Variants in CCDC157 observed in about 807,000 individuals in gnomAD.
The protein encoded by CCDC157 is coiled-coil domain-containing protein 157.
CCDC157 carries 60 observed loss-of-function variants against 70.9 expected under a neutral mutation model. The observed-to-expected ratio is 0.85, with a 90% CI of 0.69 to 1.05. The LOEUF is 1.05. CCDC157 is among the 50% of genes least tolerant of loss of function. CCDC157 has a pLI of 0.00. For missense variants in CCDC157, 943 were observed against 984.2 expected (o/e 0.96, Z 0.56); for synonymous variants, 373 against 422.4 (o/e 0.88, Z 1.43).
chr22:30,366,383 A>G, intron 3 of CCDC157, 135 bp downstream of exon 3: 1 of 1,047,246 alleles, frequency 9.5e-7, no homozygotes, highest in Non-Finnish European at 1.4e-6. Flanking sequence ...TGTCGGGGCC[A>G]CATCAGCTCA....
rs571987930 is a variant in CCDC157, at chr22:30,374,500, G to C, written c.1672+409G>C. ...AGGACACAGCCTCCAGCTGCCCACT[G>C]TCCTGGACCCCATGGCATAGGAGTG... On this transcript the variant is annotated intron_variant, in intron 9 of 11. Transcript: ENST00000338306. 6.4e-6 allele frequency: 3 copies of C among 465,442 alleles called. No homozygotes were observed. In the East Asian group the frequency reaches 2.0e-4, roughly 31 times the overall value. The allele number at this position is 465,442 out of a possible 1,614,324, so 28.8% of individuals were successfully genotyped here.
chr22:30,368,483 C>T (rs896216323), intron 3 of CCDC157, among the ~76,000 whole-genome samples: 4 of 152,254 alleles, frequency 2.6e-5, no homozygotes, highest in Non-Finnish European at 4.4e-5. Flanking sequence ...GACAGCACCA[C>T]AGTCTCCCGC....
rs374812006 is a variant in CCDC157, at chr22:30,372,194, C to A, written c.1243C>A (p.Arg415=). The A allele has an allele frequency of 1.2e-5, 19 of 1,591,082 alleles. No individual in the cohort carries two copies. The highest frequency in any genetic ancestry group is 1.5e-5 in the Non-Finnish European group (18 of 1,171,890). ...LEAQVQLLVG[R]LEGAGQQVCW... Reference sequence around the variant, plus strand: ...GGCGCAGGTGCAGCTGTTGGTGGGTCGGCTGGAGGGCGCTGGCCAGCAGGT... The same window carrying A: ...GGCGCAGGTGCAGCTGTTGGTGGGTAGGCTGGAGGGCGCTGGCCAGCAGGT... The change falls in exon 7 of 12, where the codon CGG becomes AGG. Residue 415 remains arginine (R), a synonymous_variant. Coordinates refer to ENST00000338306, the MANE Select transcript of CCDC157 (RefSeq NM_001017437.5).
chr22:30,358,273 G>C (rs535650383), intron 1 of CCDC157, among the ~76,000 whole-genome samples: 1 of 152,316 alleles, frequency 6.6e-6, no homozygotes, highest in African/African-American at 2.4e-5. Flanking sequence ...TGATAGCTGG[G>C]ATGTATTGGT....
chr22:30,375,538 A>C lies in CCDC157; in HGVS notation c.1732A>C (p.Thr578Pro). Residue 578 changes from threonine (T) to proline (P), a missense_variant, in exon 10 of 12, where the codon ACA becomes CCA. Thr to Pro is a conservative substitution (Grantham distance 38). Transcript: ENST00000338306. Reference sequence around the variant, plus strand: ...ATGTCCCACAGACTCTGGCAACGTCACAGATCACATGGAGAGGCAAGTGCA... The same window carrying C: ...ATGTCCCACAGACTCTGGCAACGTCCCAGATCACATGGAGAGGCAAGTGCA... ...ITCPTDSGNVTDHMERQVQSN... is the reference protein window; with the variant it reads ...ITCPTDSGNVPDHMERQVQSN... The C allele has an allele frequency of 6.2e-7, 1 of 1,614,216 alleles. No homozygotes were observed. The highest frequency in any genetic ancestry group is 8.5e-7 in the Non-Finnish European group (1 of 1,180,044).
chr22:30,372,123 C>CGGAGAGGCAGGGGCGGCAGCT lies in CCDC157; in HGVS notation c.1183_1184insGGCGGCAGCTGGAGAGGCAGG (p.Gln394_Val395insGlyArgGlnLeuGluArgGln), dbSNP rs1932980108. On this transcript the variant is annotated inframe_insertion, in exon 7 of 12. Transcript: ENST00000338306. ...GAGGAAGGTGAGCGCAGGGCGGCAG[C>CGGAGAGGCAGGGGCGGCAGCT]GGAGAGGCAGGTGCAGCAGCTGGAG... The CGGAGAGGCAGGGGCGGCAGCT allele has an allele frequency of 3.2e-6, 5 of 1,559,380 alleles. No homozygotes were observed. In the South Asian group the frequency reaches 5.9e-5, roughly 18 times the overall value.
rs1289676553 is a variant in CCDC157, at chr22:30,373,579, T to C, written c.1336-18T>C. 1 of 1,551,782 alleles carries C rather than the reference T, an allele frequency of 6.4e-7. No individual in the cohort carries two copies. Among genetic ancestry groups the C allele is most frequent in the African/African-American group, 1.4e-5 (1 of 73,116 alleles). On this transcript the variant is annotated intron_variant, in intron 7 of 11. Coordinates refer to ENST00000338306, the MANE Select transcript of CCDC157 (RefSeq NM_001017437.5). ...CCTGTGGGTCTCACAGCCTCCCTGC[T>C]TGTCCGTTCCTGCTTAGTCTCTGCA...
rs1436534190 is a variant in CCDC157, at chr22:30,376,264, C to G, written c.1863C>G (p.Ile621Met). 9 of 1,533,102 alleles carry G rather than the reference C, an allele frequency of 5.9e-6. No homozygotes were observed. Among genetic ancestry groups the G allele is most frequent in the Non-Finnish European group, 8.0e-6 (9 of 1,123,226 alleles). The allele number at this position is 1,533,102 out of a possible 1,614,324, so 95.0% of individuals were successfully genotyped here. A position where few individuals can be genotyped will look rare whatever the true frequency, so the allele number is the denominator to read the frequency against. Residue 621 changes from isoleucine to methionine, a missense_variant, in exon 11 of 12, where the codon ATC (isoleucine) becomes ATG (methionine). By Grantham distance (10) the Ile-to-Met change is conservative (BLOSUM62 1). Coordinates refer to ENST00000338306, the MANE Select transcript of CCDC157 (RefSeq NM_001017437.5). The stretch of plus-strand genomic sequence containing the variant: ...CTTTTTTTTTTTTTTTGTAGCTGAT[C>G]CCGCAGGACCGGCTCTGGTCCCCTT... ...EVAQQGGLKL[I>M]PQDRLWSPSS...
Position 30,371,635 on chromosome 22 carries a change from T to C in CCDC157, c.1046-15T>C. The C allele has an allele frequency of 6.2e-7, 1 of 1,611,730 alleles. No homozygotes were observed. On this transcript the variant is annotated splice_polypyrimidine_tract_variant and intron_variant, in intron 5 of 11. Coordinates refer to ENST00000338306, the MANE Select transcript of CCDC157 (RefSeq NM_001017437.5). ...CATGGGACCCTCTGAAGGGCCTCTC[T>C]CTTGGCTGCCATAGAAACAAGTGAC... is the stretch of plus-strand genomic sequence containing the variant.
intron 9 of CCDC157, 141 bp from the exon 10 acceptor site, chr22:30,375,338 G>A (rs1933273397): frequency 1.4e-6 from 1 of 713,986 alleles, no homozygotes; most frequent in Non-Finnish European, 2.4e-6. Context: ...GCAGGTTGGG[G>A]GACAGGGAAG....
rs1316168623 is a variant in CCDC157, at chr22:30,370,694, G to C, written c.789G>C (p.Gly263=). The C allele has an allele frequency of 6.2e-7, 1 of 1,613,470 alleles. No individual in the cohort carries two copies. The highest frequency in any genetic ancestry group is 8.5e-7 in the Non-Finnish European group (1 of 1,179,844). Residue 263 remains glycine, a synonymous_variant, in exon 5 of 12, where the codon GGG becomes GGC. Transcript: ENST00000338306. ...QFQQLVQDSM[G]LRPLPAATVG... ...AGCAACTGGTGCAGGACAGCATGGGGCTCAGGCCACTGCCGGCTGCCACCG... is the reference window on the plus strand; with the variant it reads ...AGCAACTGGTGCAGGACAGCATGGGCCTCAGGCCACTGCCGGCTGCCACCG...
intron 5 of CCDC157, chr22:30,371,153 G>C: frequency 1.5e-6 from 1 of 652,306 alleles, no homozygotes; most frequent in Non-Finnish European, 2.6e-6. Context: ...TCCCACTGGG[G>C]CCACCAGGAG....
At chr22:30,356,904 G>T, upstream of CCDC157, 2 of 945,160 alleles carry the variant, frequency 2.1e-6, no homozygotes, top group South Asian at 4.0e-5. Flanking sequence ...CGGCGGCCGA[G>T]CGAGTTGCGG....
Position 30,376,606 on chromosome 22 carries a change from A to C in CCDC157, c.2120A>C (p.Lys707Thr), listed in dbSNP as rs1384651119. 2 of 1,613,408 alleles carry C rather than the reference A, an allele frequency of 1.2e-6. No individual in the cohort carries two copies. Among genetic ancestry groups the C allele is most frequent in the Non-Finnish European group, 1.7e-6 (2 of 1,179,862 alleles). The change falls in exon 12 of 12, where the codon AAG (lysine) becomes ACG (threonine). Residue 707 changes from lysine to threonine, a missense_variant. Lys to Thr is a moderately conservative substitution (Grantham distance 78). Transcript: ENST00000338306. ...CGGCAGCCCTGCAGCCAGCCCAGCA[A>C]GTCCTTGCTGGAGGGTGTGACCCAC... ...PSRQPCSQPS[K>T]SLLEGVTHLD...
At chr22:30,357,831 T>A (rs528389071) in intron 1 of CCDC157, among the ~76,000 whole-genome samples, 1 of 152,152 alleles carries the variant, frequency 6.6e-6, no homozygotes, top group African/African-American at 2.4e-5. Flanking sequence ...TTTAAATTTT[T>A]TTTTTTGTAG....
intron 4 of CCDC157, 164 bp downstream of exon 4, chr22:30,369,767 G>A: frequency 1.8e-6 from 1 of 566,044 alleles, no homozygotes; most frequent in Non-Finnish European, 2.9e-6. Flanking sequence ...ACACAGTGTG[G>A]CGGTTAAGAA....
In CCDC157 at chr22:30,373,730, G is replaced by A. The variant is rs746192462; in HGVS notation, c.1469G>A (p.Arg490Gln). The A allele has an allele frequency of 7.3e-5, 113 of 1,553,696 alleles. No homozygotes were observed. The highest frequency in any genetic ancestry group is 1.9e-4 in the Admixed American group (10 of 51,410). The change falls in exon 8 of 12, where the codon CGG (arginine) becomes CAG (glutamine). Residue 490 changes from arginine (R) to glutamine (Q), a missense_variant. Coordinates refer to ENST00000338306, the MANE Select transcript of CCDC157 (RefSeq NM_001017437.5). ...ARVEEQLQSEREQGQCQLRAQ... is the reference protein window; with the variant it reads ...ARVEEQLQSEQEQGQCQLRAQ... ...GTGGAGGAGCAGCTGCAGAGCGAGC[G>A]GGAGCAGGGGCAATGCCAGCTCAGG...
Position 30,373,721 on chromosome 22 carries a change from A to G in CCDC157, c.1460A>G (p.Gln487Arg). ...AQRARVEEQL[Q>R]SEREQGQCQL... is the part of the protein sequence containing the mutation. ...CGGGCCCGCGTGGAGGAGCAGCTGC[A>G]GAGCGAGCGGGAGCAGGGGCAATGC... The change falls in exon 8 of 12, where the codon CAG (glutamine) becomes CGG (arginine). Residue 487 changes from glutamine to arginine, a missense_variant. Gln to Arg is a conservative substitution (Grantham distance 43). Coordinates refer to ENST00000338306, the MANE Select transcript of CCDC157 (RefSeq NM_001017437.5). 6.4e-7 allele frequency: 1 copy of G among 1,553,424 alleles called. No homozygotes were observed. Among genetic ancestry groups the G allele is most frequent in the Non-Finnish European group, 8.7e-7 (1 of 1,148,862 alleles).
In CCDC157 at chr22:30,370,553, G is replaced by T; in HGVS notation, c.648G>T (p.Thr216=). The part of the protein sequence containing the change: ...TRSVHSQTIE[T]ALVPCDACAS... Reference sequence around the variant, plus strand: ...GTGTCCACTCCCAGACCATTGAGACGGCCCTGGTGCCCTGTGACGCATGCG... The same window carrying T: ...GTGTCCACTCCCAGACCATTGAGACTGCCCTGGTGCCCTGTGACGCATGCG... Residue 216 remains threonine, a synonymous_variant, in exon 5 of 12, where the codon ACG becomes ACT. Coordinates refer to ENST00000338306, the MANE Select transcript of CCDC157 (RefSeq NM_001017437.5). 1 of 1,614,052 alleles carries T rather than the reference G, an allele frequency of 6.2e-7. No homozygotes were observed. The highest frequency in any genetic ancestry group is 8.5e-7 in the Non-Finnish European group (1 of 1,180,048).
Sources: gnomAD v4.1 joint callset for allele counts (sites outside exome capture counted in the v4.1 genomes callset) on GRCh38, gnomAD v4.1.1 for gene constraint, MANE v1.5 for transcripts, NCBI Gene and HGNC (gene_info 2026-07-23, HGNC 2026-07-21) for gene names.